The following SFMBT2 variants were observed in gnomAD, a reference collection of about 807,000 sequenced individuals.
SFMBT2 encodes Scm like with four mbt domains 2, also known as scm-like with four MBT domains protein 2.
A neutral mutation model predicts 110.1 loss-of-function variants in SFMBT2; 38 were observed. That is an observed-to-expected ratio of 0.35 (90% confidence interval 0.27 to 0.45). SFMBT2 has a LOEUF of 0.45. Ranked by LOEUF, SFMBT2 falls within the 20% of genes least tolerant of loss-of-function variation. SFMBT2 has a pLI of 1.00. For missense variants in SFMBT2, 1,011 were observed against 1,094.9 expected (o/e 0.92, Z 1.08); for synonymous variants, 425 against 425.4 (o/e 1.00, Z 0.01).
intron 7 of SFMBT2, among the ~76,000 whole-genome samples, chr10:7,261,295 T>C (rs374380614): frequency 1.3e-5 from 2 of 152,234 alleles, no homozygotes; most frequent in African/African-American, 4.8e-5. Flanking sequence ...CTTTTTATGC[T>C]ATCCCGAAAG....
In SFMBT2 at chr10:7,353,132, T is replaced by C. The variant is rs867933177; in HGVS notation, c.436+14517A>G. ...CACACTATTGGCCAAAAGTTGACTA[T>C]ATTACCAGTGTGCTTCAATATAAAA... On this transcript the variant is annotated intron_variant, in intron 4 of 20. Transcript: ENST00000397167. Among the ~76,000 whole-genome samples the C allele has an allele frequency of 3.3e-5, 5 of 152,344 alleles. No individual in the cohort carries two copies. In the East Asian group the frequency reaches 9.6e-4, roughly 29 times the overall value.
At chr10:7,200,625 G>C in intron 13 of SFMBT2, 141 bp from the exon 14 acceptor site, 1 of 581,514 alleles carries the variant, frequency 1.7e-6, no homozygotes, top group Non-Finnish European at 2.8e-6. Flanking sequence ...GTGTATGGGA[G>C]CAATGCCAGT....
At chr10:7,369,148 G>A (rs7921857) in intron 3 of SFMBT2, among the ~76,000 whole-genome samples, 13,565 of 152,166 alleles carry the variant, frequency 0.089, 847 homozygotes, top group African/African-American at 0.18. Flanking sequence ...GCAACATGGC[G>A]AGACTTGGCT....
chr10:7,228,178 C>T lies in SFMBT2; in HGVS notation c.1121-241G>A, dbSNP rs1839953657. ...CCAGGTGAGGAAGGGTGGAACTTACCCATGGCGGCACCAGCCGGTGGGGGG... is the reference window on the plus strand; with the variant it reads ...CCAGGTGAGGAAGGGTGGAACTTACTCATGGCGGCACCAGCCGGTGGGGGG... On this transcript the variant is annotated intron_variant, in intron 9 of 20. Transcript: ENST00000397167. 2.6e-5 allele frequency among the ~76,000 whole-genome samples: 4 copies of T among 152,150 alleles called. No individual in the cohort carries two copies. The South Asian group carries it at 6.2e-4, about 24-fold the overall frequency.
intron 9 of SFMBT2, among the ~76,000 whole-genome samples, chr10:7,230,910 C>T (rs1422548394): frequency 2.0e-5 from 3 of 151,850 alleles, no homozygotes; most frequent in African/African-American, 4.8e-5. Flanking sequence ...CCAGCCTGGG[C>T]AACAGAGCAA....
intron 20 of SFMBT2, among the ~76,000 whole-genome samples, chr10:7,164,762 C>T (rs939606007): frequency 6.6e-6 from 1 of 150,472 alleles, no homozygotes; most frequent in Non-Finnish European, 1.5e-5. Flanking sequence ...CACACACACA[C>T]ACACACACAC....
intron 1 of SFMBT2, among the ~76,000 whole-genome samples, chr10:7,386,260 G>A (rs1004166115): frequency 6.6e-6 from 1 of 152,176 alleles, no homozygotes; most frequent in Non-Finnish European, 1.5e-5. Flanking sequence ...AAGTACAAAA[G>A]CAATAGTAGT....
At chr10:7,273,818 T>C (rs1451207173) in intron 7 of SFMBT2, among the ~76,000 whole-genome samples, 1 of 152,240 alleles carries the variant, frequency 6.6e-6, no homozygotes, top group Non-Finnish European at 1.5e-5. Flanking sequence ...GGAACACTTT[T>C]ACACTGTTGG....
chr10:7,206,692 C>A, intron 11 of SFMBT2: 1 of 788,540 alleles, frequency 1.3e-6, no homozygotes, highest in East Asian at 1.3e-4. Context: ...AGCCATGAAA[C>A]TCTGAAAAAG....
At chr10:7,180,880 T>C (rs1215875670) in intron 16 of SFMBT2, among the ~76,000 whole-genome samples, 1 of 151,698 alleles carries the variant, frequency 6.6e-6, no homozygotes, top group African/African-American at 2.4e-5. Flanking sequence ...GAGTTGCAAG[T>C]ATAGGGAAGG....
intron 4 of SFMBT2, among the ~76,000 whole-genome samples, chr10:7,342,848 A>G (rs1394819374): frequency 1.3e-5 from 2 of 152,242 alleles, no homozygotes; most frequent in Non-Finnish European, 2.9e-5. Context: ...CTTTGATTCA[A>G]AAATTGTCGA....
At chr10:7,204,290 G>A in intron 12 of SFMBT2, 3 of 956,904 alleles carry the variant, frequency 3.1e-6, no homozygotes, top group East Asian at 1.2e-4. Context: ...TCGCCATCAG[G>A]GAATGTGAAG....
At chr10:7,243,537 A>G in intron 9 of SFMBT2, 21 bp downstream of exon 9, 1 of 872,176 alleles carries the variant, frequency 1.1e-6, no homozygotes, top group Non-Finnish European at 2.0e-6. Flanking sequence ...CAGACCCTGC[A>G]TACCTTCACA....
rs762850749 is a variant in SFMBT2 at position 7,172,513 on chromosome 10, G to A, written c.2133C>T (p.Phe711=). The change falls in exon 18 of 21, where the codon TTC becomes TTT. Residue 711 remains phenylalanine, a synonymous_variant. Transcript: ENST00000397167. The surrounding 1 kb of genome is among the most constrained non-coding windows in gnomAD (Gnocchi z 4.6). The part of the protein sequence containing the change: ...QKKRRSSAVD[F]TAGSGEESEE... ...AACATACCTCCCCCGAGCCCGCGGTGAAGTCCACGGCAGAAGACCTCCGTT... is the reference window on the plus strand; with the variant it reads ...AACATACCTCCCCCGAGCCCGCGGTAAAGTCCACGGCAGAAGACCTCCGTT... The A allele has an allele frequency of 2.0e-5, 33 of 1,614,038 alleles. No homozygotes were observed. Among genetic ancestry groups the A allele is most frequent in the Non-Finnish European group, 2.8e-5 (33 of 1,180,042 alleles).
rs928998916 is a variant in SFMBT2, at chr10:7,370,312, G to T, written c.164C>A (p.Ala55Glu). The T allele has an allele frequency of 6.2e-7, 1 of 1,614,112 alleles. No homozygotes were observed. ...NWGEYLEETG[A>E]SAAPHTSFKH... ...GAATGATGTGTGGGGAGCAGCACTT[G>T]CTCCTGTCTCTTCCAAATATTCTCC... The change falls in exon 3 of 21, where the codon GCA becomes GAA. Residue 55 changes from alanine to glutamate, a missense_variant. This residue lies in a region of SFMBT2 where 979 missense variants were observed against 1,016.1 expected (regional missense o/e 0.96). Transcript: ENST00000397167.
intron 4 of SFMBT2, among the ~76,000 whole-genome samples, chr10:7,343,942 A>G (rs963474247): frequency 2.6e-5 from 4 of 152,220 alleles, no homozygotes; most frequent in African/African-American, 4.8e-5. Context: ...AGATGAGATG[A>G]GAAGAGAAAA....
intron 1 of SFMBT2, among the ~76,000 whole-genome samples, chr10:7,401,366 G>C (rs754525508): frequency 2.0e-5 from 3 of 152,116 alleles, no homozygotes; most frequent in Admixed American, 6.6e-5. Flanking sequence ...AATACATCCA[G>C]GTCAAAGGAC....
Position 7,172,635 on chromosome 10 carries a change from T to A in SFMBT2, c.2011A>T (p.Ile671Phe), listed in dbSNP as rs749568477. The A allele has an allele frequency of 2.5e-6, 4 of 1,614,076 alleles. No homozygotes were observed. In the South Asian group the frequency reaches 4.4e-5, roughly 18 times the overall value. The change falls in exon 18 of 21, where the codon ATC becomes TTC. Residue 671 changes from isoleucine to phenylalanine, a missense_variant. By Grantham distance (21) the Ile-to-Phe change is conservative. Coordinates refer to ENST00000397167, the MANE Select transcript of SFMBT2 (RefSeq NM_001387889.1). The surrounding 1 kb of genome is among the most constrained non-coding windows in gnomAD (Gnocchi z 4.6). ...YTYYYGKRKK[I>F]SKPPIGESNP... ...CTTTCCCCGATGGGGGGCTTGGAGA[T>A]CTTCTTTCTCTTTCCATAGTAATAG...
At chr10:7,346,679 T>A (rs1158686375) in intron 4 of SFMBT2, among the ~76,000 whole-genome samples, 1 of 152,080 alleles carries the variant, frequency 6.6e-6, no homozygotes, top group Non-Finnish European at 1.5e-5. Flanking sequence ...TCTTTAAAAA[T>A]TTTTTGTAGG....
Sources: gnomAD v4.1 joint callset for allele counts (sites outside exome capture counted in the v4.1 genomes callset) on GRCh38, gnomAD v4.1.1 for gene constraint, gnomAD v4.1.1 regional missense constraint, Gnocchi (gnomAD v3.1) non-coding constraint, MANE v1.5 for transcripts, NCBI Gene and HGNC (gene_info 2026-07-23, HGNC 2026-07-21) for gene names.